DIP2C: variants seen among roughly 807,000 people sequenced by gnomAD.
The protein encoded by DIP2C is DIP2 acetate--CoA ligase C (putative).
Under a neutral mutation model 192.4 loss-of-function variants are expected in DIP2C, and 33 were observed. The observed-to-expected ratio is 0.17, with a 90% CI of 0.13 to 0.23. The LOEUF is 0.23. DIP2C is among the 10% of genes least tolerant of loss of function. The probability of loss-of-function intolerance (pLI) is 1.00; values close to 1 mark genes in which losing one functional copy is unlikely to be tolerated. For missense variants in DIP2C, 1,537 were observed against 2,110.1 expected (o/e 0.73, Z 5.32); for synonymous variants, 979 against 864.1 (o/e 1.13, Z -2.33).
intron 32 of DIP2C, among the ~76,000 whole-genome samples, chr10:288,833 C>T (rs976948145): frequency 5.9e-5 from 9 of 152,214 alleles, no homozygotes; most frequent in African/African-American, 1.7e-4. Flanking sequence ...AGGTGTGCAG[C>T]GGCCGAGAGC....
chr10:302,079 G>C (rs3125034), intron 32 of DIP2C, among the ~76,000 whole-genome samples: 117,466 of 152,058 alleles, frequency 0.77, 46,450 homozygotes, highest in Non-Finnish European at 0.85. Flanking sequence ...AAGACAGCCA[G>C]AGCAGAAATA....
chr10:484,674 C>A lies in DIP2C; in HGVS notation c.157+1785G>T, dbSNP rs1843865503. ...CTCACTGGAGAATGGGACCCTCAGGCCCCCAAGGCCACACCCTACACGTCT... is the reference window on the plus strand; with the variant it reads ...CTCACTGGAGAATGGGACCCTCAGGACCCCAAGGCCACACCCTACACGTCT... On this transcript the variant is annotated intron_variant, in intron 2 of 36. Transcript: ENST00000280886. 8 of 1,413,946 alleles carry A rather than the reference C, an allele frequency of 5.7e-6. No homozygotes were observed. The South Asian group carries it at 1.0e-4, about 18-fold the overall frequency. 87.6% of individuals were successfully genotyped at this position (1,413,946 alleles called of 1,614,324 possible).
intron 8 of DIP2C, among the ~76,000 whole-genome samples, chr10:411,584 A>G (rs148194821): frequency 3.5e-4 from 54 of 152,284 alleles, no homozygotes; most frequent in African/African-American, 1.3e-3. Context: ...AGTTACACCA[A>G]GTTACTCAGT....
intron 17 of DIP2C, among the ~76,000 whole-genome samples, chr10:375,586 T>C (rs758520541): frequency 8.2e-4 from 125 of 152,224 alleles, no homozygotes; most frequent in Non-Finnish European, 1.3e-3. Flanking sequence ...TGACTTGTCA[T>C]AGCATTTCCA....
chr10:388,984 G>T (rs1963227012), intron 13 of DIP2C, among the ~76,000 whole-genome samples: 1 of 151,450 alleles, frequency 6.6e-6, no homozygotes, highest in African/African-American at 2.4e-5. Flanking sequence ...GGGGCCTCGG[G>T]GCATCCCAAG....
At chr10:377,925 A>C (rs1025210924) in intron 17 of DIP2C, among the ~76,000 whole-genome samples, 6 of 152,192 alleles carry the variant, frequency 3.9e-5, no homozygotes, top group African/African-American at 1.4e-4. Flanking sequence ...TGTAGTTACA[A>C]AGCTAAAAAT....
intron 1 of DIP2C, among the ~76,000 whole-genome samples, chr10:493,335 C>A (rs190242470): frequency 6.6e-6 from 1 of 152,142 alleles, no homozygotes; most frequent in East Asian, 1.9e-4. Context: ...AAGACTATGC[C>A]GTATTAAACA....
chr10:296,334 T>C (rs1404551493), intron 32 of DIP2C, among the ~76,000 whole-genome samples: 2 of 151,888 alleles, frequency 1.3e-5, no homozygotes, highest in African/African-American at 4.8e-5. Context: ...AAAACCACAA[T>C]GAGATACCAT....
chr10:610,521 G>A (rs563442708), intron 1 of DIP2C, among the ~76,000 whole-genome samples: 1 of 152,242 alleles, frequency 6.6e-6, no homozygotes, highest in Non-Finnish European at 1.5e-5. Context: ...GATCAATATA[G>A]GGACGTATCA....
chr10:650,396 C>A (rs1855791784), intron 1 of DIP2C: 1 of 716,216 alleles, frequency 1.4e-6, no homozygotes, highest in African/African-American at 1.7e-5. Flanking sequence ...GCCACACGCC[C>A]CAGACCAACA....
At chr10:481,383 G>A (rs962777575) in intron 2 of DIP2C, among the ~76,000 whole-genome samples, 24 of 152,182 alleles carry the variant, frequency 1.6e-4, no homozygotes, top group African/African-American at 4.6e-4. Flanking sequence ...AATCTGCAAC[G>A]GGACCTCAGA....
chr10:604,923 C>T (rs1420449952), intron 1 of DIP2C, among the ~76,000 whole-genome samples: 1 of 152,180 alleles, frequency 6.6e-6, no homozygotes, highest in African/African-American at 2.4e-5. Context: ...ATGGTGCTTC[C>T]CACACACCAG....
chr10:615,537 A>T (rs889753132), intron 1 of DIP2C, among the ~76,000 whole-genome samples: 1 of 152,136 alleles, frequency 6.6e-6, no homozygotes, highest in African/African-American at 2.4e-5. Context: ...TCTCAGGGTT[A>T]GGGTCAGAGT....
At chr10:372,673 G>A (rs1961110764) in intron 17 of DIP2C, among the ~76,000 whole-genome samples, 1 of 149,596 alleles carries the variant, frequency 6.7e-6, no homozygotes, top group South Asian at 2.1e-4. Flanking sequence ...GCCAGGCACA[G>A]AAGCGCAGGA....
chr10:617,474 T>C (rs1853547031), intron 1 of DIP2C, among the ~76,000 whole-genome samples: 1 of 152,180 alleles, frequency 6.6e-6, no homozygotes, highest in South Asian at 2.1e-4. Flanking sequence ...ACCCTAGCCG[T>C]GTTGCCCTTG....
At position 422,757 on chromosome 10, in the gene DIP2C, C is replaced by CGG. The variant is rs1966284521; in HGVS notation, c.604+66_604+67insCC. 2.0e-6 allele frequency: 3 copies of CGG among 1,529,208 alleles called. No homozygotes were observed. In the African/African-American group the frequency reaches 4.1e-5, roughly 21 times the overall value. 94.7% of individuals were successfully genotyped at this position (1,529,208 alleles called of 1,614,324 possible). A position where few individuals can be genotyped will look rare whatever the true frequency, so the allele number is the denominator to read the frequency against. On this transcript the variant is annotated intron_variant, in intron 5 of 36. Transcript: ENST00000280886. ...AGGGATTCCGCTGCAACGATGCAAA[C>CGG]AGAGAATGTGCACACACAAAGGCGT...
At chr10:374,772 T>TA (rs1272825302) in intron 17 of DIP2C, among the ~76,000 whole-genome samples, 3 of 152,152 alleles carry the variant, frequency 2.0e-5, no homozygotes, top group African/African-American at 7.2e-5. Context: ...CCCAAGTAGG[T>TA]AGATGAGGTG....
chr10:672,170 C>T (rs1177497867), intron 1 of DIP2C, among the ~76,000 whole-genome samples: 2 of 151,182 alleles, frequency 1.3e-5, no homozygotes, highest in Admixed American at 6.6e-5. Context: ...GACGCATGGA[C>T]GGAGGAAACA....
chr10:588,536 C>T (rs564126696), intron 1 of DIP2C, among the ~76,000 whole-genome samples: 19 of 152,344 alleles, frequency 1.2e-4, no homozygotes, highest in South Asian at 1.2e-3. Flanking sequence ...GCTTGGGTCC[C>T]TGCCGGGAAA....
Sources: allele counts gnomAD v4.1 joint callset (sites outside exome capture counted in the v4.1 genomes callset), GRCh38; gene constraint gnomAD v4.1.1; transcripts MANE v1.5; gene names NCBI Gene and HGNC (gene_info 2026-07-23, HGNC 2026-07-21).